Variants in STT3B observed in about 807,000 individuals in gnomAD.
STT3B encodes the protein dolichyl-diphosphooligosaccharide--protein glycosyltransferase subunit STT3B.
In STT3B, 29 loss-of-function variants were observed where a neutral mutation model predicts 96.8. The ratio of observed to expected loss-of-function variants is 0.30; its 90% confidence interval spans 0.22 to 0.41. The LOEUF is 0.41. Ranked by LOEUF, STT3B falls within the 10% of genes least tolerant of loss-of-function variation. The pLI is 1.00. For synonymous variants in STT3B, 367 were observed against 360.0 expected, an observed-to-expected ratio of 1.02 and a Z score of -0.22; for missense variants, 640 against 1,022.3, an observed-to-expected ratio of 0.63 and a Z score of 5.10.
In STT3B at chr3:31,608,350, C is replaced by T. The variant is rs143305654; in HGVS notation, c.878-6755C>T. Among the ~76,000 whole-genome samples, 1,069 of 152,204 alleles carry T rather than the reference C, an allele frequency of 7.0e-3. 11 individuals carry two copies. Among genetic ancestry groups the T allele is most frequent in the African/African-American group, 0.024 (987 of 41,510 alleles). ...GAAAGAGATGGGATTTTCCTTAGAT[C>T]GGTTTACAATATTTATGGATCTTCT... On this transcript the variant is annotated intron_variant, in intron 5 of 15. Transcript: ENST00000295770.
At chr3:31,630,883 G>A (rs1320827196) in intron 14 of STT3B, among the ~76,000 whole-genome samples, 1 of 148,272 alleles carries the variant, frequency 6.7e-6, no homozygotes, top group Non-Finnish European at 1.5e-5. Flanking sequence ...TGCAAGCTTC[G>A]CCTCCCAGGT....
chr3:31,532,945 G>T lies in STT3B; in HGVS notation c.-54G>T. The T allele has an allele frequency of 6.5e-7, 1 of 1,542,730 alleles. No homozygotes were observed. The highest frequency in any genetic ancestry group is 8.7e-7 in the Non-Finnish European group (1 of 1,147,918). ...TCCGGGTCCCCGCCCAGCACCCCTCGCACCAGGCGGCGGCGGCGGAGGAGG... is the reference window on the plus strand; with the variant it reads ...TCCGGGTCCCCGCCCAGCACCCCTCTCACCAGGCGGCGGCGGCGGAGGAGG... On this transcript the variant is annotated 5_prime_UTR_variant, in exon 1 of 16. Transcript: ENST00000295770.
chr3:31,601,808 A>G (rs1698935694), intron 5 of STT3B, among the ~76,000 whole-genome samples: 1 of 152,248 alleles, frequency 6.6e-6, no homozygotes, highest in African/African-American at 2.4e-5. Context: ...ATAGTATATT[A>G]CATTTATAGC....
intron 1 of STT3B, among the ~76,000 whole-genome samples, chr3:31,553,621 T>G (rs144339523): frequency 2.4e-4 from 37 of 152,318 alleles, no homozygotes; most frequent in Non-Finnish European, 4.3e-4. Flanking sequence ...AAGGTGCATG[T>G]GGGAACTTTC....
chr3:31,556,164 C>T (rs1432040789), intron 1 of STT3B, among the ~76,000 whole-genome samples: 2 of 151,338 alleles, frequency 1.3e-5, no homozygotes, highest in African/African-American at 2.4e-5. Flanking sequence ...ATTTGTCTTT[C>T]AGTGTCTGGC....
chr3:31,623,246 G>A (rs755229000), intron 10 of STT3B, among the ~76,000 whole-genome samples: 10 of 152,172 alleles, frequency 6.6e-5, no homozygotes, highest in Non-Finnish European at 1.3e-4. Flanking sequence ...TTCTGTTAAT[G>A]CAGTTTTTTC....
chr3:31,634,605 G>A (rs150080819), intron 15 of STT3B, among the ~76,000 whole-genome samples: 13 of 152,234 alleles, frequency 8.5e-5, no homozygotes, highest in African/African-American at 3.1e-4. Context: ...TGGAGGAGGA[G>A]GGTATACATA....
chr3:31,537,257 TC>T (rs1374897435), intron 1 of STT3B, among the ~76,000 whole-genome samples: 3 of 152,212 alleles, frequency 2.0e-5, no homozygotes, highest in Admixed American at 6.5e-5. Context: ...GGGGACTACT[TC>T]CTGTACTTTG....
chr3:31,636,770 C>A lies in STT3B; in HGVS notation c.*706C>A, dbSNP rs1012863897. 6.6e-6 allele frequency: 1 copy of A among 152,142 alleles called. No homozygotes were observed. The highest frequency in any genetic ancestry group is 2.4e-5 in the African/African-American group (1 of 41,450). The allele number at this position is 152,142 out of a possible 1,614,324, so 9.4% of individuals were successfully genotyped here. A position where few individuals can be genotyped will look rare whatever the true frequency, so the allele number is the denominator to read the frequency against. On this transcript the variant is annotated 3_prime_UTR_variant, in exon 16 of 16. Coordinates refer to ENST00000295770, the MANE Select transcript of STT3B (RefSeq NM_178862.3). ...TACTTACAGAGCAGATTTCATACAT[C>A]ATTCATTCAAGGGCTAAATTTATAT...
At chr3:31,584,216 C>G (rs1414212941) in intron 3 of STT3B, among the ~76,000 whole-genome samples, 1 of 152,142 alleles carries the variant, frequency 6.6e-6, no homozygotes, top group Non-Finnish European at 1.5e-5. Context: ...TGTCAAAAAT[C>G]AATTGATTAT....
chr3:31,617,526 TAA>T (rs1281032359), intron 7 of STT3B, among the ~76,000 whole-genome samples: 1 of 152,032 alleles, frequency 6.6e-6, no homozygotes, highest in Non-Finnish European at 1.5e-5. Flanking sequence ...CGTGAGTGTT[TAA>T]AATCATCTTT....
At chr3:31,546,252 A>C (rs1697410474) in intron 1 of STT3B, among the ~76,000 whole-genome samples, 1 of 152,006 alleles carries the variant, frequency 6.6e-6, no homozygotes, top group African/African-American at 2.4e-5. Flanking sequence ...TTGAGTGGGG[A>C]GTCCTTCAGC....
intron 13 of STT3B, among the ~76,000 whole-genome samples, chr3:31,628,302 T>C (rs184383688): frequency 1.3e-5 from 2 of 152,302 alleles, no homozygotes; most frequent in East Asian, 1.9e-4. Context: ...TTATATACCC[T>C]GTTCACTTCA....
At chr3:31,567,455 G>T (rs1241837268) in intron 1 of STT3B, among the ~76,000 whole-genome samples, 2 of 152,114 alleles carry the variant, frequency 1.3e-5, no homozygotes, top group African/African-American at 4.8e-5. Context: ...TTTGTGAACT[G>T]AACATTTTTG....
intron 1 of STT3B, among the ~76,000 whole-genome samples, chr3:31,549,640 ATATC>A (rs1173713713): frequency 3.9e-5 from 6 of 152,178 alleles, no homozygotes; most frequent in African/African-American, 7.2e-5. Context: ...ATGTATTTCT[ATATC>A]TAATAATTGT....
chr3:31,597,956 C>T (rs992564037), intron 4 of STT3B, among the ~76,000 whole-genome samples: 3 of 151,830 alleles, frequency 2.0e-5, no homozygotes, highest in African/African-American at 7.3e-5. Context: ...GCGCCTCAGC[C>T]TCCCAAGTGG....
At chr3:31,619,569 G>GGGT in intron 8 of STT3B, 107 bp from the exon 9 acceptor site, 1 of 869,318 alleles carries the variant, frequency 1.2e-6, no homozygotes, top group Non-Finnish European at 1.8e-6. Context: ...AAATAAGAAG[G>GGGT]GGTAGGGAGT....
At chr3:31,563,133 C>G (rs1356269425) in intron 1 of STT3B, among the ~76,000 whole-genome samples, 1 of 152,184 alleles carries the variant, frequency 6.6e-6, no homozygotes, top group African/African-American at 2.4e-5. Flanking sequence ...TGCTTCCCAT[C>G]ACTACTCTCT....
At position 31,543,542 on chromosome 3, in the gene STT3B, G is replaced by C. The variant is rs551249039; in HGVS notation, c.314+10230G>C. Among the ~76,000 whole-genome samples the C allele has an allele frequency of 5.5e-4, 84 of 152,270 alleles. 1 individual carries two copies. In the South Asian group the frequency reaches 0.015, roughly 27 times the overall value. ...CACATTTTATGTTTTGGTCATAATA[G>C]TAATAGTACAGTAAGTCTCTGTTGT... On this transcript the variant is annotated intron_variant, in intron 1 of 15. Transcript: ENST00000295770.
Sources: allele counts gnomAD v4.1 joint callset (sites outside exome capture counted in the v4.1 genomes callset), GRCh38; gene constraint gnomAD v4.1.1; transcripts MANE v1.5; gene names NCBI Gene and HGNC (gene_info 2026-07-23, HGNC 2026-07-21).